Variants in GPR155 observed in about 807,000 individuals in gnomAD.
GPR155 encodes the protein lysosomal cholesterol signaling protein.
In GPR155, 65 loss-of-function variants were observed where a neutral mutation model predicts 93.1. The observed-to-expected ratio is 0.70, with a 90% CI of 0.57 to 0.86. GPR155 has a LOEUF of 0.86. Among genes scored for constraint, GPR155 ranks in the 40% least tolerant of loss-of-function variants. GPR155 has a pLI of 0.00. For missense variants in GPR155, 838 were observed against 1,034.8 expected (o/e 0.81, Z 2.61); for synonymous variants, 319 against 360.1 (o/e 0.89, Z 1.29).
rs150530698 is a variant in GPR155, at chr2:174,457,806, T to G, written c.1771+2072A>C. ...ACGTCTATTGCCCAGGCTGGATTGC[T>G]GTGGCGTGACCATGGCTCACTGCAG... On this transcript the variant is annotated intron_variant, in intron 10 of 15. Transcript: ENST00000392552. 8.4e-3 allele frequency among the ~76,000 whole-genome samples: 1,280 copies of G among 152,172 alleles called. 18 individuals carry two copies. The highest frequency in any genetic ancestry group is 0.029 in the African/African-American group (1,219 of 41,512).
At chr2:174,484,729 C>T (rs1007274434) in intron 1 of GPR155, among the ~76,000 whole-genome samples, 4 of 152,148 alleles carry the variant, frequency 2.6e-5, no homozygotes, top group African/African-American at 9.7e-5. Context: ...CCAGGAGTTT[C>T]AGACCAGCCT....
intron 15 of GPR155, among the ~76,000 whole-genome samples, chr2:174,436,967 T>C (rs1415770387): frequency 6.6e-6 from 1 of 152,204 alleles, no homozygotes; most frequent in Non-Finnish European, 1.5e-5. Flanking sequence ...ACAATCCTAC[T>C]GATATGTTTG....
chr2:174,469,129 A>C (rs1687922144), intron 4 of GPR155, 62 bp from the exon 5 acceptor site: 2 of 1,420,010 alleles, frequency 1.4e-6, no homozygotes, highest in Admixed American at 3.5e-5. Context: ...TTAAACTTTA[A>C]ATAACCACGG....
intron 14 of GPR155, among the ~76,000 whole-genome samples, chr2:174,440,330 A>G (rs577419196): frequency 6.6e-6 from 1 of 152,330 alleles, no homozygotes; most frequent in South Asian, 2.1e-4. Context: ...AGGTTCTACT[A>G]ATAAATGTTC....
chr2:174,448,538 T>G (rs1329201450), intron 11 of GPR155, among the ~76,000 whole-genome samples: 7 of 144,056 alleles, frequency 4.9e-5, no homozygotes, highest in African/African-American at 7.7e-5. Context: ...TTGTTTTTTT[T>G]TTTTTTTTTT....
intron 1 of GPR155, among the ~76,000 whole-genome samples, chr2:174,486,637 C>G (rs1688490320): frequency 6.6e-6 from 1 of 152,160 alleles, no homozygotes; most frequent in South Asian, 2.1e-4. Context: ...GTTCTGTCTC[C>G]GGAGGGGACG....
intron 10 of GPR155, among the ~76,000 whole-genome samples, chr2:174,455,196 TAAC>T (rs71405953): frequency 0.44 from 66,638 of 151,442 alleles, 15,334 homozygotes; most frequent in African/African-American, 0.56. Flanking sequence ...AAAATAAAAA[TAAC>T]AACAACAACA....
intron 2 of GPR155, among the ~76,000 whole-genome samples, chr2:174,478,678 A>G (rs184365149): frequency 6.6e-6 from 1 of 152,270 alleles, no homozygotes; most frequent in Admixed American, 6.5e-5. Flanking sequence ...TCTCCTTGCC[A>G]GCATTTCCTG....
At position 174,433,928 on chromosome 2, in the gene GPR155, T is replaced by C. The variant is rs1686703306; in HGVS notation, c.*2188A>G. 6.6e-6 allele frequency: 1 copy of C among 152,012 alleles called. No individual in the cohort carries two copies. The highest frequency in any genetic ancestry group is 1.9e-4 in the East Asian group (1 of 5,204). The allele number at this position is 152,012 out of a possible 1,614,324, so 9.4% of individuals were successfully genotyped here. On this transcript the variant is annotated 3_prime_UTR_variant, in exon 16 of 16. Coordinates refer to ENST00000392552, the MANE Select transcript of GPR155 (RefSeq NM_152529.7). Reference sequence around the variant, plus strand: ...TATATATTTTTATACATGGACACTTTAAAAAGACTAAATTCTAAATGTAAT... The same window carrying C: ...TATATATTTTTATACATGGACACTTCAAAAAGACTAAATTCTAAATGTAAT...
intron 10 of GPR155, among the ~76,000 whole-genome samples, chr2:174,459,572 G>A (rs1687619658): frequency 6.6e-6 from 1 of 152,108 alleles, no homozygotes; most frequent in African/African-American, 2.4e-5. Context: ...TTAAAGATCA[G>A]GCTGGCTCAT....
At chr2:174,470,804 G>T (rs939447303) in intron 3 of GPR155, among the ~76,000 whole-genome samples, 3 of 152,166 alleles carry the variant, frequency 2.0e-5, no homozygotes, top group Non-Finnish European at 4.4e-5. Context: ...GGGAAAAAAA[G>T]ATGTTTTTGG....
intron 5 of GPR155, among the ~76,000 whole-genome samples, chr2:174,466,984 C>G (rs1376475188): frequency 6.6e-6 from 1 of 151,926 alleles, no homozygotes; most frequent in Non-Finnish European, 1.5e-5. Flanking sequence ...TGACGAAACC[C>G]TGTCTCTACT....
intron 10 of GPR155, among the ~76,000 whole-genome samples, chr2:174,457,521 A>C (rs1322196426): frequency 6.6e-6 from 1 of 151,540 alleles, no homozygotes; most frequent in Non-Finnish European, 1.5e-5. Context: ...CAGTGGCACG[A>C]TCTCAGCTCA....
chr2:174,459,116 A>C (rs1687606665), intron 10 of GPR155, among the ~76,000 whole-genome samples: 2 of 152,086 alleles, frequency 1.3e-5, no homozygotes, highest in Admixed American at 6.6e-5. Context: ...AAGAAAAAAA[A>C]CATTTTTAGC....
chr2:174,482,186 G>C (rs1574743103), intron 1 of GPR155, among the ~76,000 whole-genome samples, 199 bp from the exon 2 acceptor site: 1 of 152,294 alleles, frequency 6.6e-6, no homozygotes, highest in Middle Eastern at 3.4e-3. Context: ...GTGGGGGGTT[G>C]CTAACAATAA....
At chr2:174,485,894 G>A (rs1688464240) in intron 1 of GPR155, among the ~76,000 whole-genome samples, 1 of 152,068 alleles carries the variant, frequency 6.6e-6, no homozygotes, top group South Asian at 2.1e-4. Flanking sequence ...AAGACCACTC[G>A]CTGAGGCACG....
chr2:174,434,573 C>T lies in GPR155; in HGVS notation c.*1543G>A, dbSNP rs942645974. 6.6e-6 allele frequency: 1 copy of T among 151,258 alleles called. No individual in the cohort carries two copies. The highest frequency in any genetic ancestry group is 2.4e-5 in the African/African-American group (1 of 41,216). The allele number at this position is 151,258 out of a possible 1,614,324, so 9.4% of individuals were successfully genotyped here. On this transcript the variant is annotated 3_prime_UTR_variant, in exon 16 of 16. Coordinates refer to ENST00000392552, the MANE Select transcript of GPR155 (RefSeq NM_152529.7). ...ATTTGGGTAGAAAAGAAAAGACAAA[C>T]TTTAAAAAAAAATAGTGCCTCTAGG...
chr2:174,485,806 G>GT (rs1009898729), intron 1 of GPR155, among the ~76,000 whole-genome samples: 4 of 147,096 alleles, frequency 2.7e-5, no homozygotes, highest in Admixed American at 6.7e-5. Context: ...AGCAAGGGAA[G>GT]TTTTAAAAAA....
At chr2:174,469,791 C>T (rs1687940260) in intron 4 of GPR155, among the ~76,000 whole-genome samples, 1 of 152,056 alleles carries the variant, frequency 6.6e-6, no homozygotes, top group Non-Finnish European at 1.5e-5. Flanking sequence ...TGACTAAAGA[C>T]CCCAGATTAA....
Sources: gnomAD v4.1 joint callset for allele counts (sites outside exome capture counted in the v4.1 genomes callset) on GRCh38, gnomAD v4.1.1 for gene constraint, MANE v1.5 for transcripts, NCBI Gene and HGNC (gene_info 2026-07-23, HGNC 2026-07-21) for gene names.